FBN3: variants seen among roughly 807,000 people sequenced by gnomAD.
FBN3 encodes the protein fibrillin-3.
A neutral mutation model predicts 330.1 loss-of-function variants in FBN3; 234 were observed. The ratio of observed to expected loss-of-function variants is 0.71; its 90% CI spans 0.64 to 0.79. The LOEUF is 0.79. Ranked by LOEUF, FBN3 falls within the 30% of genes least tolerant of loss-of-function variation. The probability of loss-of-function intolerance (pLI) is 0.00; values close to 1 mark genes in which losing one functional copy is unlikely to be tolerated. For missense variants in FBN3, 3,606 were observed against 3,886.9 expected (o/e 0.93, Z 1.92); for synonymous variants, 1,458 against 1,517.3 (o/e 0.96, Z 0.91).
At chr19:8,145,541 C>T (rs1489953700) in intron 5 of FBN3, among the ~76,000 whole-genome samples, 1 of 151,626 alleles carries the variant, frequency 6.6e-6, no homozygotes, top group Non-Finnish European at 1.5e-5. Context: ...ATTAGTCAGG[C>T]AAGGTGGCGG....
intron 19 of FBN3, 49 bp from the exon 20 acceptor site, chr19:8,126,654 G>GC (rs751006066): frequency 6.3e-7 from 1 of 1,598,512 alleles, no homozygotes; most frequent in Non-Finnish European, 8.5e-7. Flanking sequence ...CCCTACACCT[G>GC]CACCCTGACC....
chr19:8,134,912 A>G (rs1003910232), intron 13 of FBN3, among the ~76,000 whole-genome samples: 1 of 151,002 alleles, frequency 6.6e-6, no homozygotes, highest in African/African-American at 2.4e-5. Flanking sequence ...CCAGCCTGGG[A>G]GATAGAGACT....
intron 38 of FBN3, among the ~76,000 whole-genome samples, chr19:8,103,996 G>A (rs2082384793): frequency 6.6e-6 from 1 of 151,570 alleles, no homozygotes. Flanking sequence ...AAATTAGCTG[G>A]GCATGGTGGT....
intron 13 of FBN3, 26 bp downstream of exon 13, chr19:8,135,935 T>TTGGGGGGGGGGGGGGGGGGGGGGGCGG: frequency 4.5e-6 from 6 of 1,344,156 alleles, no homozygotes; most frequent in African/African-American, 1.5e-5. Context: ...CGGAAGCCCC[T>TTGGGGGGGGGGGGGGGGGGGGGGGCGG]GCCCACCCGC....
chr19:8,126,917 C>T (rs542539253), intron 18 of FBN3, 85 bp from the exon 19 acceptor site: 16 of 1,471,240 alleles, frequency 1.1e-5, no homozygotes, highest in Middle Eastern at 4.2e-4. Flanking sequence ...AAGGGGCCGC[C>T]GCAACCGGTG....
intron 13 of FBN3, 26 bp downstream of exon 13, chr19:8,135,935 T>TGGGGGGGGGGGGGGGGGGGCGC: frequency 1.5e-6 from 2 of 1,344,156 alleles, no homozygotes; most frequent in Non-Finnish European, 2.0e-6. Flanking sequence ...CGGAAGCCCC[T>TGGGGGGGGGGGGGGGGGGGCGC]GCCCACCCGC....
intron 38 of FBN3, 110 bp from the exon 39 acceptor site, chr19:8,103,797 G>C: frequency 3.7e-6 from 4 of 1,088,420 alleles, no homozygotes; most frequent in Non-Finnish European, 5.3e-6. Flanking sequence ...CCTAAGTTTG[G>C]TTTCAAAATC....
intron 63 of FBN3, among the ~76,000 whole-genome samples, chr19:8,071,842 C>G (rs930214747): frequency 1.8e-4 from 18 of 100,560 alleles, no homozygotes; most frequent in African/African-American, 4.7e-4. Context: ...GAGATGTGTC[C>G]CCCAGAGACC....
At chr19:8,135,934 C>CAGGGGGGGGGG in intron 13 of FBN3, 27 bp downstream of exon 13, 4 of 1,284,382 alleles carry the variant, frequency 3.1e-6, no homozygotes, top group Admixed American at 2.3e-5. Context: ...CCGGAAGCCC[C>CAGGGGGGGGGG]TGCCCACCCG....
rs2082354361 is a variant in FBN3 at position 8,102,791 on chromosome 19, A to G, written c.5022T>C (p.Cys1674=). 1.2e-6 allele frequency: 2 copies of G among 1,614,086 alleles called. No homozygotes were observed. Among genetic ancestry groups the G allele is most frequent in the Non-Finnish European group, 1.7e-6 (2 of 1,180,002 alleles). Residue 1674 remains cysteine (C), a synonymous_variant, in exon 40 of 64, where the codon TGT becomes TGC. Transcript: ENST00000600128. ...ELAFNVTRKM[C]CCSYNIGQAW... ...CCTGGCCAATGTTGTAGGAGCAGCAACACATTTTCCGGGTCACGTTGAAGG... is the reference window on the plus strand; with the variant it reads ...CCTGGCCAATGTTGTAGGAGCAGCAGCACATTTTCCGGGTCACGTTGAAGG...
intron 13 of FBN3, 28 bp downstream of exon 13, chr19:8,135,933 C>A: frequency 8.0e-7 from 1 of 1,246,720 alleles, no homozygotes; most frequent in Non-Finnish European, 1.1e-6. Flanking sequence ...CCCGGAAGCC[C>A]CTGCCCACCC....
Position 8,103,568 on chromosome 19 carries a change from A to G in FBN3, c.4933T>C (p.Cys1645Arg). ...AGGTCATCACGCTTCTTACCCATGC[A>G]GTTGTTGCCACCATTGACTTGGAGG... The part of the protein sequence containing the change: ...EYLQVNGGNN[C>R]MDMRKSVCFR... Residue 1645 changes from cysteine to arginine, a missense_variant, in exon 39 of 64, where the codon TGC becomes CGC. Cys to Arg is a radical substitution (Grantham distance 180, BLOSUM62 -3). Transcript: ENST00000600128. 1 of 1,613,274 alleles carries G rather than the reference A, an allele frequency of 6.2e-7. No individual in the cohort carries two copies. The highest frequency in any genetic ancestry group is 8.5e-7 in the Non-Finnish European group (1 of 1,179,524).
chr19:8,066,049 C>T lies in FBN3; in HGVS notation c.8300G>A (p.Arg2767Gln), dbSNP rs146438852. ...CAGCCGGTAGGTTCCAGGCCCCGGCCGCCTCCGCCCCAGCTGCAGGGAGCT... is the reference window on the plus strand; with the variant it reads ...CAGCCGGTAGGTTCCAGGCCCCGGCTGCCTCCGCCCCAGCTGCAGGGAGCT... ...GVSSLQLGRR[R>Q]PGPGTYRLEV... The change falls in exon 64 of 64, where the codon CGG becomes CAG. Residue 2767 changes from arginine (R) to glutamine (Q), a missense_variant. Arg to Gln is a conservative substitution (Grantham distance 43, BLOSUM62 1). Transcript: ENST00000600128. The T allele has an allele frequency of 6.3e-4, 1,014 of 1,613,068 alleles. No individual in the cohort carries two copies. The highest frequency in any genetic ancestry group is 7.8e-4 in the Non-Finnish European group (918 of 1,179,986).
intron 14 of FBN3, 98 bp downstream of exon 14, chr19:8,132,886 C>T (rs750368109): frequency 1.8e-5 from 24 of 1,337,680 alleles, no homozygotes; most frequent in East Asian, 5.3e-5. Flanking sequence ...CTCTCATGCT[C>T]GTCCCATCCC....
chr19:8,106,856 GT>G (rs2082449637), intron 37 of FBN3, among the ~76,000 whole-genome samples: 1 of 151,556 alleles, frequency 6.6e-6, no homozygotes, highest in Non-Finnish European at 1.5e-5. Flanking sequence ...GGATGGATGA[GT>G]GGATGGATGG....
At chr19:8,099,574 C>A (rs1223203918) in intron 41 of FBN3, among the ~76,000 whole-genome samples, 1 of 151,854 alleles carries the variant, frequency 6.6e-6, no homozygotes, top group African/African-American at 2.4e-5. Flanking sequence ...GCCACCACGC[C>A]CGGCCGCCAT....
intron 37 of FBN3, among the ~76,000 whole-genome samples, chr19:8,107,466 C>T (rs1470909265): frequency 8.4e-6 from 1 of 119,748 alleles, no homozygotes; most frequent in Non-Finnish European, 1.7e-5. Context: ...GATGGATGGT[C>T]GAGTGGAAGG....
chr19:8,080,042 A>G (rs1228829781), intron 59 of FBN3, among the ~76,000 whole-genome samples: 1 of 152,238 alleles, frequency 6.6e-6, no homozygotes, highest in African/African-American at 2.4e-5. Flanking sequence ...TGTTTCTGTA[A>G]CAGGCTCTGT....
In FBN3 at chr19:8,096,465, C is replaced by A; in HGVS notation, c.5518G>T (p.Ala1840Ser). 1 of 1,613,946 alleles carries A rather than the reference C, an allele frequency of 6.2e-7. No individual in the cohort carries two copies. Among genetic ancestry groups the A allele is most frequent in the Non-Finnish European group, 8.5e-7 (1 of 1,179,936 alleles). Residue 1840 changes from alanine (A) to serine (S), a missense_variant, in exon 44 of 64, where the codon GCA becomes TCA. Ala to Ser is a moderately conservative substitution (Grantham distance 99, BLOSUM62 1). Coordinates refer to ENST00000600128, the MANE Select transcript of FBN3 (RefSeq NM_032447.5). The surrounding 1 kb of genome is among the most constrained non-coding windows in gnomAD (Gnocchi z 4.6). ...TCACCCATGCACAGGGTCTGGTCTG[C>A]AGAGGCCTGGAATCCACGGTGACAC... ...CLCHRGFQAS[A>S]DQTLCMDIDE...
Sources: gnomAD v4.1 joint callset for allele counts (sites outside exome capture counted in the v4.1 genomes callset) on GRCh38, gnomAD v4.1.1 for gene constraint, Gnocchi (gnomAD v3.1) non-coding constraint, MANE v1.5 for transcripts, NCBI Gene and HGNC (gene_info 2026-07-23, HGNC 2026-07-21) for gene names.